Variants in ST3GAL3 observed in about 807,000 individuals in gnomAD.
ST3GAL3 encodes ST3 beta-galactoside alpha-2,3-sialyltransferase 3.
In ST3GAL3, 21 loss-of-function variants were observed where a neutral mutation model predicts 50.1. The observed-to-expected ratio is 0.42, with a 90% confidence interval of 0.30 to 0.60. ST3GAL3 has a LOEUF of 0.60. ST3GAL3 is among the 20% of genes least tolerant of loss of function. The pLI, the probability that ST3GAL3 is intolerant of heterozygous loss-of-function variation, is 0.19. For missense variants in ST3GAL3, 353 were observed against 489.4 expected (o/e 0.72, Z 2.63); for synonymous variants, 183 against 190.0 (o/e 0.96, Z 0.30).
intron 2 of ST3GAL3, among the ~76,000 whole-genome samples, chr1:43,765,810 T>TCCGCGCAC (rs1692671552): frequency 4.8e-5 from 7 of 146,476 alleles, no homozygotes; most frequent in Admixed American, 2.0e-4. Flanking sequence ...CGTCCGCGCG[T>TCCGCGCAC]CCGCGTGCGC....
At chr1:43,857,900 G>A (rs538127009) in intron 5 of ST3GAL3, among the ~76,000 whole-genome samples, 1 of 152,106 alleles carries the variant, frequency 6.6e-6, no homozygotes, top group Non-Finnish European at 1.5e-5. Flanking sequence ...ACAGGCGTGA[G>A]CCACCACGCC....
chr1:43,926,976 C>T (rs1290335634), intron 11 of ST3GAL3, among the ~76,000 whole-genome samples: 1 of 152,192 alleles, frequency 6.6e-6, no homozygotes, highest in Non-Finnish European at 1.5e-5. Flanking sequence ...TTCTTTGTCT[C>T]ATGCTCCCAC....
At chr1:43,731,113 A>G (rs191868064) in intron 1 of ST3GAL3, among the ~76,000 whole-genome samples, 39 of 151,986 alleles carry the variant, frequency 2.6e-4, no homozygotes, top group Non-Finnish European at 5.0e-4. Flanking sequence ...GCTTACTGCA[A>G]CCTCAACCTC....
intron 1 of ST3GAL3, among the ~76,000 whole-genome samples, chr1:43,726,258 T>C (rs1672867912): frequency 6.6e-6 from 1 of 152,134 alleles, no homozygotes; most frequent in South Asian, 2.1e-4. Context: ...AGTGAGGAAA[T>C]AGTTTAAAAC....
chr1:43,730,617 C>A (rs116429480), intron 1 of ST3GAL3, among the ~76,000 whole-genome samples: 197 of 139,076 alleles, frequency 1.4e-3, no homozygotes, highest in Non-Finnish European at 2.6e-3. Context: ...GTTGCCCAGG[C>A]GGGGGTGTAG....
intron 9 of ST3GAL3, among the ~76,000 whole-genome samples, chr1:43,917,466 A>AATATATATAATATATAAT (rs1392045308): frequency 0.011 from 1,010 of 90,528 alleles, 34 homozygotes; most frequent in African/African-American, 0.043. Context: ...TAATATATAT[A>AATATATATAATATATAAT]ATATATAATA....
intron 2 of ST3GAL3, among the ~76,000 whole-genome samples, chr1:43,782,969 G>A (rs1001507541): frequency 1.3e-5 from 2 of 152,046 alleles, no homozygotes; most frequent in African/African-American, 4.8e-5. Context: ...AACCTCATAG[G>A]GGGATGTTAA....
At chr1:43,780,279 C>T (rs1698946536) in intron 2 of ST3GAL3, among the ~76,000 whole-genome samples, 1 of 151,968 alleles carries the variant, frequency 6.6e-6, no homozygotes, top group African/African-American at 2.4e-5. Flanking sequence ...TTTTGGTGTT[C>T]CTCTTGAGGA....
At position 43,756,563 on chromosome 1, in the gene ST3GAL3, C is replaced by T. The variant is rs544918411; in HGVS notation, c.118+20183C>T. Among the ~76,000 whole-genome samples the T allele has an allele frequency of 5.4e-5, 8 of 146,988 alleles. No individual in the cohort carries two copies. The South Asian group carries it at 1.7e-3, about 32-fold the overall frequency. ...TGTATTGTATACACACACACACACA[C>T]GCACGCACACATTAAACAAAATAGA... On this transcript the variant is annotated intron_variant, in intron 2 of 11. Transcript: ENST00000347631.
At chr1:43,710,022 T>C (rs534542600) in intron 1 of ST3GAL3, among the ~76,000 whole-genome samples, 34 of 152,250 alleles carry the variant, frequency 2.2e-4, no homozygotes, top group African/African-American at 8.2e-4. Context: ...CTTCTTTTTT[T>C]CTCCCCGTGT....
chr1:43,881,710 C>T (rs748691006), intron 5 of ST3GAL3, among the ~76,000 whole-genome samples: 7 of 152,092 alleles, frequency 4.6e-5, no homozygotes, highest in Non-Finnish European at 7.4e-5. Flanking sequence ...GCATGTGGCT[C>T]CAGCTTGTCT....
intron 1 of ST3GAL3, among the ~76,000 whole-genome samples, chr1:43,734,254 A>G (rs1032494897): frequency 1.4e-5 from 2 of 145,558 alleles, no homozygotes; most frequent in African/African-American, 5.0e-5. Flanking sequence ...GAATTTTTTC[A>G]CTTTATGTTT....
intron 5 of ST3GAL3, among the ~76,000 whole-genome samples, chr1:43,844,559 C>T (rs558721114): frequency 1.1e-4 from 17 of 152,208 alleles, no homozygotes; most frequent in South Asian, 1.0e-3. Context: ...CGCCTGTAAT[C>T]GCAGCACTTT....
intron 3 of ST3GAL3, among the ~76,000 whole-genome samples, chr1:43,795,324 G>A (rs1380857380): frequency 6.6e-6 from 1 of 152,192 alleles, no homozygotes; most frequent in African/African-American, 2.4e-5. Context: ...CCCTCTTAGT[G>A]GAAGATAGAT....
At chr1:43,859,966 G>A (rs561526419) in intron 5 of ST3GAL3, among the ~76,000 whole-genome samples, 64 of 152,282 alleles carry the variant, frequency 4.2e-4, no homozygotes, top group Non-Finnish European at 6.6e-4. Flanking sequence ...CCCTTAGGCC[G>A]CTTCTGACCA....
intron 1 of ST3GAL3, among the ~76,000 whole-genome samples, chr1:43,734,136 T>C (rs1216190339): frequency 6.6e-6 from 1 of 151,816 alleles, no homozygotes; most frequent in African/African-American, 2.4e-5. Flanking sequence ...AGAACCTCCT[T>C]TGTCTCTTTA....
rs1570910655 is a variant in ST3GAL3 at position 43,707,576 on chromosome 1, G to C, written c.-148G>C. ...TGGCGGCGCCCATGCAGCCCAGCGC[G>C]TTGTGGGCTCCCGCCGGGGTCCCCC... On this transcript the variant is annotated 5_prime_UTR_variant, in exon 1 of 12. Transcript: ENST00000347631. 6.6e-6 allele frequency: 1 copy of C among 151,974 alleles called. No homozygotes were observed. Among genetic ancestry groups the C allele is most frequent in the East Asian group, 1.9e-4 (1 of 5,162 alleles). 9.4% of individuals were successfully genotyped at this position (151,974 alleles called of 1,614,324 possible). A position where few individuals can be genotyped will look rare whatever the true frequency, so the allele number is the denominator to read the frequency against.
chr1:43,741,851 C>T (rs1681059978), intron 2 of ST3GAL3, among the ~76,000 whole-genome samples: 1 of 152,200 alleles, frequency 6.6e-6, no homozygotes, highest in South Asian at 2.1e-4. Flanking sequence ...TGTCTGAGGA[C>T]GGTTTCCCAA....
chr1:43,751,715 G>A (rs371730621), intron 2 of ST3GAL3, among the ~76,000 whole-genome samples: 27 of 152,186 alleles, frequency 1.8e-4, no homozygotes, highest in Non-Finnish European at 3.5e-4. Flanking sequence ...TATTCCTGGC[G>A]TATTCTGTGT....
Sources: allele counts gnomAD v4.1 joint callset (sites outside exome capture counted in the v4.1 genomes callset), GRCh38; gene constraint gnomAD v4.1.1; transcripts MANE v1.5; gene names NCBI Gene and HGNC (gene_info 2026-07-23, HGNC 2026-07-21).